The following KCNC2 variants were observed in gnomAD, a reference collection of about 807,000 sequenced individuals.
KCNC2 encodes potassium voltage-gated channel subfamily C member 2.
Under a neutral mutation model 44.5 loss-of-function variants are expected in KCNC2, and 21 were observed. The ratio of observed to expected loss-of-function variants is 0.47; its 90% CI spans 0.33 to 0.68. The LOEUF (loss-of-function observed/expected upper bound fraction) is 0.68, where lower values mean the gene tolerates loss of function less well. KCNC2 is among the 30% of genes least tolerant of loss of function. KCNC2 has a pLI of 0.01. For missense variants in KCNC2, 589 were observed against 826.2 expected, an observed-to-expected ratio of 0.71 and a Z score of 3.52; for synonymous variants, 391 against 339.1, an observed-to-expected ratio of 1.15 and a Z score of -1.68.
chr12:75,040,957 G>C lies in KCNC2; in HGVS notation c.*2148C>G. The stretch of plus-strand genomic sequence containing the variant: ...CCATGCACACATGTTGGTATTTACA[G>C]TTGTTTCATGGACACTGGCCAGTCT... On this transcript the variant is annotated 3_prime_UTR_variant, in exon 5 of 5. Coordinates refer to ENST00000549446, the MANE Select transcript of KCNC2 (RefSeq NM_139137.4). The C allele has an allele frequency of 6.2e-6, 4 of 641,034 alleles. No homozygotes were observed. Among genetic ancestry groups the C allele is most frequent in the Non-Finnish European group, 1.1e-5 (4 of 363,298 alleles). 39.7% of individuals were successfully genotyped at this position (641,034 alleles called of 1,614,324 possible). A position where few individuals can be genotyped will look rare whatever the true frequency, so the allele number is the denominator to read the frequency against.
At chr12:75,142,277 A>G (rs1889710220) in intron 2 of KCNC2, among the ~76,000 whole-genome samples, 1 of 152,188 alleles carries the variant, frequency 6.6e-6, no homozygotes, top group South Asian at 2.1e-4. Flanking sequence ...AAGAGATAAG[A>G]CAATTGTGGT....
intron 2 of KCNC2, among the ~76,000 whole-genome samples, chr12:75,119,342 T>G (rs994769037): frequency 7.1e-6 from 1 of 140,126 alleles, no homozygotes; most frequent in African/African-American, 2.9e-5. Flanking sequence ...TGCCCAAAAC[T>G]AATCACTGCT....
intron 2 of KCNC2, among the ~76,000 whole-genome samples, chr12:75,069,129 C>CTTTTTTTTTT (rs1158151551): frequency 0.22 from 14,042 of 63,264 alleles, 4,905 homozygotes; most frequent in Non-Finnish European, 0.29. Flanking sequence ...TTTATATAAT[C>CTTTTTTTTTT]TTTTTTTTTT....
chr12:75,192,872 G>T (rs533120075), intron 2 of KCNC2, among the ~76,000 whole-genome samples: 1 of 152,052 alleles, frequency 6.6e-6, no homozygotes, highest in African/African-American at 2.4e-5. Flanking sequence ...AAATAATAAT[G>T]CATTATATAT....
intron 4 of KCNC2, among the ~76,000 whole-genome samples, chr12:75,045,706 C>A (rs899428569): frequency 6.6e-6 from 1 of 151,860 alleles, no homozygotes; most frequent in Non-Finnish European, 1.5e-5. Flanking sequence ...GTGCTATTCA[C>A]GAGCATGTTT....
chr12:75,188,617 T>C (rs2029897587), intron 2 of KCNC2, among the ~76,000 whole-genome samples: 1 of 151,650 alleles, frequency 6.6e-6, no homozygotes, highest in Non-Finnish European at 1.5e-5. Context: ...ATCCCAGCAC[T>C]TCGGGAGGCT....
At chr12:75,175,208 G>A (rs61932892) in intron 2 of KCNC2, among the ~76,000 whole-genome samples, 10,319 of 151,946 alleles carry the variant, frequency 0.068, 473 homozygotes, top group Admixed American at 0.13. Context: ...AGGTGAGAGA[G>A]GCATTAGCCT....
In KCNC2 at chr12:75,041,516, A is replaced by T; in HGVS notation, c.*1589T>A. The T allele has an allele frequency of 8.7e-7, 1 of 1,156,022 alleles. No homozygotes were observed. The highest frequency in any genetic ancestry group is 5.5e-5 in the East Asian group (1 of 18,210). The allele number at this position is 1,156,022 out of a possible 1,614,324, so 71.6% of individuals were successfully genotyped here. A position where few individuals can be genotyped will look rare whatever the true frequency, so the allele number is the denominator to read the frequency against. ...CTCAAGGCTCCCAAATGCCTTAGTG[A>T]TATTATTTATCCCTCTATTTATATT... is the stretch of plus-strand genomic sequence containing the variant. On this transcript the variant is annotated 3_prime_UTR_variant, in exon 5 of 5. Transcript: ENST00000549446.
intron 2 of KCNC2, among the ~76,000 whole-genome samples, chr12:75,142,219 C>A (rs375322489): frequency 6.6e-6 from 1 of 152,076 alleles, no homozygotes; most frequent in East Asian, 1.9e-4. Context: ...AATGGCTAAC[C>A]TAAGACTTGA....
intron 2 of KCNC2, among the ~76,000 whole-genome samples, chr12:75,087,507 G>A (rs562104426): frequency 6.6e-6 from 1 of 152,154 alleles, no homozygotes; most frequent in African/African-American, 2.4e-5. Flanking sequence ...TGTAAAGACA[G>A]GATACATTTT....
intron 2 of KCNC2, among the ~76,000 whole-genome samples, chr12:75,101,360 G>A (rs905411963): frequency 4.6e-5 from 7 of 152,132 alleles, no homozygotes; most frequent in Admixed American, 3.9e-4. Context: ...CAATTTCATG[G>A]GTTGGAACTA....
intron 2 of KCNC2, among the ~76,000 whole-genome samples, chr12:75,185,421 G>A (rs1045854097): frequency 4.6e-5 from 7 of 152,204 alleles, no homozygotes; most frequent in East Asian, 1.9e-4. Context: ...GGTCATGGGC[G>A]CATGACCTGC....
intron 2 of KCNC2, among the ~76,000 whole-genome samples, chr12:75,096,309 C>T (rs1451652626): frequency 6.6e-6 from 1 of 151,960 alleles, no homozygotes. Context: ...TCCAGAAACT[C>T]TTGATTTTTA....
In KCNC2 at chr12:75,207,739, G is replaced by C. The variant is rs1191875389; in HGVS notation, c.245C>G (p.Ala82Gly). 3 of 1,567,546 alleles carry C rather than the reference G, an allele frequency of 1.9e-6. No individual in the cohort carries two copies. Among genetic ancestry groups the C allele is most frequent in the South Asian group, 1.2e-5 (1 of 86,850 alleles). Residue 82 changes from alanine to glycine, a missense_variant, in exon 2 of 5, where the codon GCG becomes GGG. Ala to Gly is a moderately conservative substitution (Grantham distance 60, BLOSUM62 0). Coordinates refer to ENST00000549446, the MANE Select transcript of KCNC2 (RefSeq NM_139137.4). This position sits in a 1 kb window ranked among gnomAD's most constrained non-coding sequence, Gnocchi z 4.1. ...GCCGCCGCGGGAACTGCAGTTGCCC[G>C]CGCCGCCCTCGAAGCAGCCGCCTGG... ...PGPGGCFEGGAGNCSSRGGRA... is the reference protein window; with the variant it reads ...PGPGGCFEGGGGNCSSRGGRA...
chr12:75,137,252 C>T (rs1889299258), intron 2 of KCNC2, among the ~76,000 whole-genome samples: 1 of 152,146 alleles, frequency 6.6e-6, no homozygotes, highest in Non-Finnish European at 1.5e-5. Context: ...CCTCAAGGAT[C>T]TCATCCTCAG....
chr12:75,076,038 TACACACACACAC>T (rs71078709), intron 2 of KCNC2, among the ~76,000 whole-genome samples: 45 of 141,342 alleles, frequency 3.2e-4, no homozygotes, highest in East Asian at 4.2e-4. Flanking sequence ...TAATGTTACA[TACACACACACAC>T]ACACACACAC....
chr12:75,056,725 T>A (rs1881783100), intron 2 of KCNC2, among the ~76,000 whole-genome samples: 1 of 152,004 alleles, frequency 6.6e-6, no homozygotes, highest in African/African-American at 2.4e-5. Context: ...GAGGCATTAT[T>A]TATAATTAAA....
At chr12:75,166,286 T>A (rs1891445764) in intron 2 of KCNC2, among the ~76,000 whole-genome samples, 3 of 151,166 alleles carry the variant, frequency 2.0e-5, no homozygotes. Flanking sequence ...TATATGCATC[T>A]GAACCTGAAC....
chr12:75,103,448 T>C (rs754521594), intron 2 of KCNC2, among the ~76,000 whole-genome samples: 3 of 152,226 alleles, frequency 2.0e-5, no homozygotes, highest in African/African-American at 7.2e-5. Context: ...TTGATTCTTA[T>C]TCTTCACTGC....
Sources: gnomAD v4.1 joint callset for allele counts (sites outside exome capture counted in the v4.1 genomes callset) on GRCh38, gnomAD v4.1.1 for gene constraint, Gnocchi (gnomAD v3.1) non-coding constraint, MANE v1.5 for transcripts, NCBI Gene and HGNC (gene_info 2026-07-23, HGNC 2026-07-21) for gene names.